Variants in GPC5 observed in about 807,000 individuals in gnomAD.
The protein encoded by GPC5 is glypican-5.
In GPC5, 47 loss-of-function variants were observed where a neutral mutation model predicts 53.9. That is an observed-to-expected ratio of 0.87 (90% confidence interval 0.69 to 1.11). The LOEUF (loss-of-function observed/expected upper bound fraction) is 1.11, where lower values mean the gene tolerates loss of function less well. Ranked by LOEUF, GPC5 falls within the 50% of genes most tolerant of loss-of-function variation. The pLI is 0.00. For missense variants in GPC5, 748 were observed against 713.1 expected (o/e 1.05, Z -0.56); for synonymous variants, 286 against 263.3 (o/e 1.09, Z -0.84).
intron 6 of GPC5, among the ~76,000 whole-genome samples, chr13:92,052,435 C>T (rs543198801): frequency 7.0e-4 from 106 of 152,278 alleles, no homozygotes; most frequent in African/African-American, 2.2e-3. Flanking sequence ...GAAGGGAACC[C>T]GAGCGGGTTG....
At position 91,518,269 on chromosome 13, in the gene GPC5, G is replaced by A. The variant is rs1020458401; in HGVS notation, c.325+69347G>A. On this transcript the variant is annotated intron_variant, in intron 2 of 7. Transcript: ENST00000377067. ...CCAGGTACTTATGAGGCTGAGGCAG[G>A]GGGAACGTTTTAGCTCAGGAGTTTG... 3.9e-5 allele frequency among the ~76,000 whole-genome samples: 6 copies of A among 152,122 alleles called. No individual in the cohort carries two copies. In the East Asian group the frequency reaches 5.8e-4, roughly 15 times the overall value.
chr13:92,368,657 A>AC (rs2043625852), intron 7 of GPC5, among the ~76,000 whole-genome samples: 2 of 151,446 alleles, frequency 1.3e-5, no homozygotes, highest in African/African-American at 4.8e-5. Flanking sequence ...AAAAAAAAAA[A>AC]AAACCTGAAA....
intron 3 of GPC5, among the ~76,000 whole-genome samples, chr13:91,717,847 G>T (rs1313344202): frequency 1.3e-5 from 2 of 151,910 alleles, no homozygotes; most frequent in African/African-American, 4.8e-5. Context: ...GAGCCACCGC[G>T]CCTGGCCTGC....
At chr13:92,734,427 ATAACAC>A in intron 7 of GPC5, among the ~76,000 whole-genome samples, 1 of 151,922 alleles carries the variant, frequency 6.6e-6, no homozygotes, top group Non-Finnish European at 1.5e-5. Context: ...ATTTTGTGTA[ATAACAC>A]TAAGCTTTGT....
intron 2 of GPC5, among the ~76,000 whole-genome samples, chr13:91,561,914 G>A (rs537396773): frequency 1.3e-5 from 2 of 152,226 alleles, no homozygotes; most frequent in South Asian, 4.2e-4. Context: ...CAATTTGCAA[G>A]TTATCACTAG....
intron 6 of GPC5, among the ~76,000 whole-genome samples, chr13:91,960,425 C>A (rs1263796807): frequency 6.6e-6 from 1 of 151,894 alleles, no homozygotes; most frequent in Non-Finnish European, 1.5e-5. Context: ...GGAAACTAAA[C>A]ATGAACAAAT....
chr13:92,080,055 G>A (rs987371787), intron 6 of GPC5, among the ~76,000 whole-genome samples: 3 of 152,084 alleles, frequency 2.0e-5, no homozygotes, highest in African/African-American at 7.2e-5. Context: ...TTTCCACATG[G>A]GCTACCTGAT....
chr13:92,645,308 C>T (rs371222014), intron 7 of GPC5, among the ~76,000 whole-genome samples: 2 of 152,086 alleles, frequency 1.3e-5, no homozygotes, highest in Admixed American at 6.5e-5. Flanking sequence ...CCATGCCTGG[C>T]TAATTTCTGT....
intron 7 of GPC5, among the ~76,000 whole-genome samples, chr13:92,556,407 A>G (rs774727593): frequency 9.9e-5 from 15 of 151,676 alleles, no homozygotes; most frequent in Non-Finnish European, 1.9e-4. Flanking sequence ...TTTTCTATAT[A>G]TATTATTTTT....
chr13:92,368,780 G>T (rs1400633161), intron 7 of GPC5, among the ~76,000 whole-genome samples: 1 of 151,380 alleles, frequency 6.6e-6, no homozygotes, highest in Non-Finnish European at 1.5e-5. Flanking sequence ...GTAAAAGATT[G>T]TATTAACTTT....
At chr13:92,298,041 G>A (rs1013809113) in intron 7 of GPC5, among the ~76,000 whole-genome samples, 7 of 152,006 alleles carry the variant, frequency 4.6e-5, no homozygotes, top group Admixed American at 6.6e-5. Flanking sequence ...CACCAATTCC[G>A]GACACACTAG....
At chr13:91,640,728 G>A (rs979718355) in intron 2 of GPC5, among the ~76,000 whole-genome samples, 2 of 152,092 alleles carry the variant, frequency 1.3e-5, no homozygotes, top group East Asian at 3.9e-4. Flanking sequence ...GAACCTGGGA[G>A]GTGGAGGTTG....
chr13:92,787,816 G>A (rs1279145809), intron 7 of GPC5, among the ~76,000 whole-genome samples: 2 of 150,600 alleles, frequency 1.3e-5, no homozygotes, highest in Admixed American at 6.6e-5. Flanking sequence ...GTTTGAGGCT[G>A]CAGTGAGCTA....
intron 7 of GPC5, among the ~76,000 whole-genome samples, chr13:92,560,605 A>C (rs1324913853): frequency 6.6e-6 from 1 of 152,042 alleles, no homozygotes; most frequent in Non-Finnish European, 1.5e-5. Flanking sequence ...TACATTGGCA[A>C]CATCACTCAT....
chr13:92,631,775 A>G lies in GPC5; in HGVS notation c.1562-234507A>G, dbSNP rs541814133. Among the ~76,000 whole-genome samples, 12 of 152,322 alleles carry G rather than the reference A, an allele frequency of 7.9e-5. No homozygotes were observed. In the South Asian group the frequency reaches 1.9e-3, roughly 24 times the overall value. On this transcript the variant is annotated intron_variant, in intron 7 of 7. Coordinates refer to ENST00000377067, the MANE Select transcript of GPC5 (RefSeq NM_004466.6). ...GGTGTCAATATGATGCCACAAGTGC[A>G]AAATTCTCACCTAACCTCATGCGAT... is the stretch of plus-strand genomic sequence containing the variant.
intron 7 of GPC5, among the ~76,000 whole-genome samples, chr13:92,274,733 A>G (rs952192660): frequency 6.6e-6 from 1 of 152,150 alleles, no homozygotes; most frequent in Admixed American, 6.6e-5. Flanking sequence ...CGCTTGCTTC[A>G]TCAAAGCGTA....
intron 7 of GPC5, among the ~76,000 whole-genome samples, chr13:92,583,758 C>T (rs1170213195): frequency 4.6e-5 from 7 of 152,160 alleles, no homozygotes; most frequent in Admixed American, 2.6e-4. Context: ...GGCTGTGTCC[C>T]CTTTCAAATC....
chr13:92,613,424 AT>A (rs1884538387), intron 7 of GPC5, among the ~76,000 whole-genome samples: 1 of 21,722 alleles, frequency 4.6e-5, no homozygotes, highest in African/African-American at 1.5e-4. Flanking sequence ...TAAATATGAT[AT>A]ATATTTATAT....
intron 5 of GPC5, among the ~76,000 whole-genome samples, chr13:91,881,982 A>T (rs1474270163): frequency 6.6e-6 from 1 of 152,178 alleles, no homozygotes; most frequent in Admixed American, 6.5e-5. Context: ...AAGTACAAGA[A>T]GCATTTAAAT....
Sources: allele counts gnomAD v4.1 joint callset (sites outside exome capture counted in the v4.1 genomes callset), GRCh38; gene constraint gnomAD v4.1.1; transcripts MANE v1.5; gene names NCBI Gene and HGNC (gene_info 2026-07-23, HGNC 2026-07-21).